The following IL1RAP variants were observed in gnomAD, a reference collection of about 807,000 sequenced individuals.
IL1RAP encodes interleukin-1 receptor accessory protein.
IL1RAP carries 35 observed loss-of-function variants against 60.7 expected under a neutral mutation model. That is an observed-to-expected ratio of 0.58 (90% CI 0.44 to 0.76). IL1RAP has a LOEUF of 0.76. Ranked by LOEUF, IL1RAP falls within the 30% of genes least tolerant of loss-of-function variation. The pLI is 0.00. For missense variants in IL1RAP, 572 were observed against 693.9 expected, an observed-to-expected ratio of 0.82 and a Z score of 1.97; for synonymous variants, 268 against 250.9, an observed-to-expected ratio of 1.07 and a Z score of -0.64.
At chr3:190,653,407 A>C (rs1174458292), downstream of IL1RAP, among the ~76,000 whole-genome samples, 1 of 152,220 alleles carries the variant, frequency 6.6e-6, no homozygotes, top group Non-Finnish European at 1.5e-5. Flanking sequence ...AAAAGATATT[A>C]AGATACAAAT....
Position 190,648,158 on chromosome 3 carries a change from G to A in IL1RAP, c.1346-180G>A, listed in dbSNP as rs559290961. ...AGTTTCTGTTTTCCCTGAAGACAGTGGTATTTAACAAAGAGAGTTTGCAGG... is the reference window on the plus strand; with the variant it reads ...AGTTTCTGTTTTCCCTGAAGACAGTAGTATTTAACAAAGAGAGTTTGCAGG... On this transcript the variant is annotated intron_variant, in intron 11 of 11. Transcript: ENST00000447382. Among the ~76,000 whole-genome samples the A allele has an allele frequency of 3.3e-5, 5 of 152,256 alleles. No homozygotes were observed. The South Asian group carries it at 1.0e-3, about 32-fold the overall frequency.
Position 190,648,746 on chromosome 3 carries a change from A to G in IL1RAP, c.*41A>G. On this transcript the variant is annotated 3_prime_UTR_variant, in exon 12 of 12. Coordinates refer to ENST00000447382, the MANE Select transcript of IL1RAP (RefSeq NM_002182.4). ...GGGTAAAAAGAACAAGGGGTGCTCC[A>G]GGAAGAAAGAGTCCCCCCAGTCTTC... The G allele has an allele frequency of 1.3e-6, 2 of 1,555,034 alleles. No individual in the cohort carries two copies. The highest frequency in any genetic ancestry group is 1.7e-6 in the Non-Finnish European group (2 of 1,154,460).
At chr3:190,626,037 T>C (rs974080925) in intron 7 of IL1RAP, among the ~76,000 whole-genome samples, 3 of 152,090 alleles carry the variant, frequency 2.0e-5, no homozygotes, top group African/African-American at 7.2e-5. Flanking sequence ...GACGATATAA[T>C]TTATCATCTA....
At position 190,650,329 on chromosome 3, in the gene IL1RAP, G is replaced by A. The variant is rs1186951469; in HGVS notation, c.*1624G>A. The A allele has an allele frequency of 5.1e-6, 5 of 985,118 alleles. No homozygotes were observed. In the African/African-American group the frequency reaches 8.7e-5, roughly 17 times the overall value. 61.0% of individuals were successfully genotyped at this position (985,118 alleles called of 1,614,324 possible). On this transcript the variant is annotated 3_prime_UTR_variant, in exon 12 of 12. Coordinates refer to ENST00000447382, the MANE Select transcript of IL1RAP (RefSeq NM_002182.4). ...TATCTAGGTTGCAGTGGCATCTGCT[G>A]TGCACAGAGCTTCCATGGTCACTGC...
intron 3 of IL1RAP, among the ~76,000 whole-genome samples, chr3:190,577,579 G>T (rs528347123): frequency 6.6e-6 from 1 of 152,166 alleles, no homozygotes; most frequent in East Asian, 1.9e-4. Context: ...GCAGGATCTT[G>T]CTCTGTTACC....
At chr3:190,539,685 A>C (rs1205488991) in intron 1 of IL1RAP, among the ~76,000 whole-genome samples, 1 of 151,468 alleles carries the variant, frequency 6.6e-6, no homozygotes, top group African/African-American at 2.4e-5. Context: ...GTAAAAATAA[A>C]TAAGGATAAA....
At chr3:190,640,435 C>T (rs776851316) in intron 9 of IL1RAP, among the ~76,000 whole-genome samples, 26 of 152,130 alleles carry the variant, frequency 1.7e-4, no homozygotes, top group Non-Finnish European at 3.1e-4. Flanking sequence ...GTAACATCTG[C>T]GAGTTAATTT....
chr3:190,629,706 G>T (rs964643143), intron 9 of IL1RAP: 17 of 1,261,944 alleles, frequency 1.3e-5, no homozygotes, highest in Admixed American at 3.9e-5. Flanking sequence ...TGTTAGTACC[G>T]TAATGCCCAA....
intron 3 of IL1RAP, among the ~76,000 whole-genome samples, chr3:190,594,616 G>A (rs1023835802): frequency 6.6e-6 from 1 of 152,174 alleles, no homozygotes; most frequent in Non-Finnish European, 1.5e-5. Flanking sequence ...CCAGGTGAGA[G>A]GCAAGCTGGG....
chr3:190,596,062 CAT>C (rs1174157247), intron 3 of IL1RAP, among the ~76,000 whole-genome samples: 2 of 152,172 alleles, frequency 1.3e-5, no homozygotes, highest in Admixed American at 6.5e-5. Context: ...TGTCCAAGGC[CAT>C]ATGGCAACTA....
chr3:190,646,288 AGT>A (rs930272493), intron 11 of IL1RAP, among the ~76,000 whole-genome samples: 3 of 152,142 alleles, frequency 2.0e-5, no homozygotes, highest in Admixed American at 6.6e-5. Flanking sequence ...GTGGCGGAAG[AGT>A]GTGGGTAGAA....
intron 3 of IL1RAP, among the ~76,000 whole-genome samples, chr3:190,592,610 A>G (rs1376313226): frequency 2.0e-5 from 3 of 152,190 alleles, no homozygotes; most frequent in African/African-American, 7.2e-5. Context: ...GTAGAAAGTG[A>G]CGCTTGTATT....
chr3:190,658,791 A>G (rs1734693892), exon 12 of IL1RAP: 1 of 152,188 alleles, frequency 6.6e-6, no homozygotes, highest in African/African-American at 2.4e-5. Context: ...AAACAAACAA[A>G]CAAAAAACTA....
At chr3:190,635,134 A>T (rs1733120605) in intron 9 of IL1RAP, among the ~76,000 whole-genome samples, 1 of 152,046 alleles carries the variant, frequency 6.6e-6, no homozygotes, top group African/African-American at 2.4e-5. Flanking sequence ...CATTTCATCT[A>T]AGTTGTCACA....
chr3:190,627,781 GAA>G (rs1406568139), intron 8 of IL1RAP, among the ~76,000 whole-genome samples: 4 of 152,174 alleles, frequency 2.6e-5, no homozygotes, highest in Admixed American at 2.6e-4. Context: ...GAAGTAGAGA[GAA>G]TACATATCTT....
At chr3:190,528,063 A>C (rs1035018322) in intron 1 of IL1RAP, among the ~76,000 whole-genome samples, 1 of 152,110 alleles carries the variant, frequency 6.6e-6, no homozygotes, top group African/African-American at 2.4e-5. Flanking sequence ...TCAGAAGGAG[A>C]TTATTCTAAA....
intron 1 of IL1RAP, among the ~76,000 whole-genome samples, chr3:190,549,840 G>GA (rs1305113996): frequency 6.6e-6 from 1 of 152,150 alleles, no homozygotes; most frequent in Non-Finnish European, 1.5e-5. Context: ...CAGAGGAGGA[G>GA]AAAGGAAAAA....
chr3:190,593,607 G>A (rs1729128497), intron 3 of IL1RAP, among the ~76,000 whole-genome samples: 1 of 152,084 alleles, frequency 6.6e-6, no homozygotes, highest in Admixed American at 6.5e-5. Flanking sequence ...CGTCTTACAT[G>A]TCAGCAGGCA....
intron 11 of IL1RAP, among the ~76,000 whole-genome samples, chr3:190,647,702 G>C (rs1005885610): frequency 6.6e-6 from 1 of 152,160 alleles, no homozygotes; most frequent in Non-Finnish European, 1.5e-5. Flanking sequence ...CCGAGGATGT[G>C]TTACCAGCCA....
Sources: gnomAD v4.1 joint callset for allele counts (sites outside exome capture counted in the v4.1 genomes callset) on GRCh38, gnomAD v4.1.1 for gene constraint, MANE v1.5 for transcripts, NCBI Gene and HGNC (gene_info 2026-07-23, HGNC 2026-07-21) for gene names.